ARHGAP26: variants seen among roughly 807,000 people sequenced by gnomAD.
ARHGAP26 encodes rho GTPase-activating protein 26.
Under a neutral mutation model 104.8 loss-of-function variants are expected in ARHGAP26, and 38 were observed. That is an observed-to-expected ratio of 0.36 (90% CI 0.28 to 0.48). The LOEUF is 0.48. ARHGAP26 is among the 20% of genes least tolerant of loss of function. ARHGAP26 has a pLI of 0.99. For missense variants in ARHGAP26, 704 were observed against 947.9 expected, an observed-to-expected ratio of 0.74 and a Z score of 3.38; for synonymous variants, 341 against 340.0, an observed-to-expected ratio of 1.00 and a Z score of -0.03.
Position 143,172,563 on chromosome 5 carries a change from A to G in ARHGAP26, c.1988+25182A>G, listed in dbSNP as rs1802930449. Among the ~76,000 whole-genome samples, 3 of 151,706 alleles carry G rather than the reference A, an allele frequency of 2.0e-5. No homozygotes were observed. In the South Asian group the frequency reaches 6.3e-4, roughly 32 times the overall value. On this transcript the variant is annotated intron_variant, in intron 20 of 22. Coordinates refer to ENST00000645722, the MANE Select transcript of ARHGAP26 (RefSeq NM_001135608.3). ...ATGATTTTGAATAGCTCAATAGATA[A>G]TATCTTCCAAAGCAGTTTCATGCAA...
At chr5:143,081,520 A>T (rs1056191298) in intron 17 of ARHGAP26, among the ~76,000 whole-genome samples, 2 of 152,212 alleles carry the variant, frequency 1.3e-5, no homozygotes, top group Admixed American at 1.3e-4. Flanking sequence ...AACAGACCTG[A>T]GTTCAAATTC....
At chr5:142,875,044 G>A in intron 2 of ARHGAP26, 66 bp from the exon 3 acceptor site, 1 of 1,355,132 alleles carries the variant, frequency 7.4e-7, no homozygotes, top group African/African-American at 1.5e-5. Flanking sequence ...ATAATAGCCA[G>A]AGCTGGAAAG....
At chr5:142,940,398 G>T (rs1394933538) in intron 11 of ARHGAP26, among the ~76,000 whole-genome samples, 2 of 152,012 alleles carry the variant, frequency 1.3e-5, no homozygotes, top group Non-Finnish European at 2.9e-5. Flanking sequence ...GGGTTTTGTT[G>T]TACAGATTAT....
At chr5:142,914,780 T>C (rs949056358) in intron 10 of ARHGAP26, among the ~76,000 whole-genome samples, 11 of 152,162 alleles carry the variant, frequency 7.2e-5, no homozygotes, top group Admixed American at 7.2e-4. Context: ...TTATTACTGG[T>C]TTTAAACAAA....
At chr5:142,798,095 A>G (rs1761349741) in intron 1 of ARHGAP26, among the ~76,000 whole-genome samples, 1 of 152,174 alleles carries the variant, frequency 6.6e-6, no homozygotes. Context: ...GGCTACCACT[A>G]TAGCCAGGGT....
chr5:142,841,683 A>G (rs1342320540), intron 1 of ARHGAP26, among the ~76,000 whole-genome samples: 1 of 152,232 alleles, frequency 6.6e-6, no homozygotes, highest in East Asian at 1.9e-4. Flanking sequence ...GCCTGACTTC[A>G]TCTTGGCTCC....
At chr5:142,996,867 G>C (rs1360336284) in intron 11 of ARHGAP26, among the ~76,000 whole-genome samples, 1 of 152,166 alleles carries the variant, frequency 6.6e-6, no homozygotes, top group Non-Finnish European at 1.5e-5. Context: ...TAGAAAGAGA[G>C]AGAGAGAGAT....
At chr5:142,912,812 G>C (rs1325552427) in intron 9 of ARHGAP26, among the ~76,000 whole-genome samples, 1 of 152,216 alleles carries the variant, frequency 6.6e-6, no homozygotes, top group Non-Finnish European at 1.5e-5. Flanking sequence ...TATTTGTTCT[G>C]ATCCAGGAAG....
Position 142,879,430 on chromosome 5 carries a change from G to A in ARHGAP26, c.369G>A (p.Gln123=), listed in dbSNP as rs756459324. 13 of 1,613,112 alleles carry A rather than the reference G, an allele frequency of 8.1e-6. No homozygotes were observed. The highest frequency in any genetic ancestry group is 1.6e-4 in the Middle Eastern group (1 of 6,080). Reference sequence around the variant, plus strand: ...CCTTGGAGAAGTTTCGAAAGGAACAGATCGGGGCTGCCAAGGTGAGAATTT... The same window carrying A: ...CCTTGGAGAAGTTTCGAAAGGAACAAATCGGGGCTGCCAAGGTGAGAATTT... ...ITPLEKFRKE[Q]IGAAKEAKKK... The change falls in exon 4 of 23, where the codon CAG becomes CAA. Residue 123 remains glutamine (Q), a synonymous_variant. Coordinates refer to ENST00000645722, the MANE Select transcript of ARHGAP26 (RefSeq NM_001135608.3).
intron 18 of ARHGAP26, among the ~76,000 whole-genome samples, chr5:143,127,574 A>AC (rs1240290313): frequency 6.6e-6 from 1 of 151,986 alleles, no homozygotes; most frequent in African/African-American, 2.4e-5. Context: ...ATCATGGATG[A>AC]CCCCCACTTA....
chr5:142,883,840 G>A (rs1033783852), intron 4 of ARHGAP26, among the ~76,000 whole-genome samples: 5 of 152,162 alleles, frequency 3.3e-5, no homozygotes, highest in African/African-American at 1.2e-4. Context: ...CTGATTATTT[G>A]TTTACTGGTT....
chr5:143,119,422 G>A (rs1344005528), intron 17 of ARHGAP26, among the ~76,000 whole-genome samples: 3 of 152,140 alleles, frequency 2.0e-5, no homozygotes, highest in Non-Finnish European at 4.4e-5. Flanking sequence ...AAGTAGTGAT[G>A]TTAAAAGCAG....
At chr5:142,913,890 C>T (rs997685863) in intron 10 of ARHGAP26, among the ~76,000 whole-genome samples, 2 of 152,096 alleles carry the variant, frequency 1.3e-5, no homozygotes, top group African/African-American at 4.8e-5. Flanking sequence ...TGTACCATTT[C>T]GTGGTGTTAA....
chr5:143,211,741 T>A (rs958444076), intron 21 of ARHGAP26, among the ~76,000 whole-genome samples: 4 of 151,960 alleles, frequency 2.6e-5, no homozygotes, highest in Non-Finnish European at 4.4e-5. Context: ...TAATTTTTTT[T>A]ATTTTTTTGT....
At chr5:142,797,981 T>C (rs1404356038) in intron 1 of ARHGAP26, among the ~76,000 whole-genome samples, 1 of 152,210 alleles carries the variant, frequency 6.6e-6, no homozygotes, top group Non-Finnish European at 1.5e-5. Context: ...TGACCCTTCT[T>C]CTTTTCCGCT....
At chr5:143,033,226 A>G (rs1782147471) in intron 12 of ARHGAP26, among the ~76,000 whole-genome samples, 1 of 152,214 alleles carries the variant, frequency 6.6e-6, no homozygotes, top group Admixed American at 6.5e-5. Flanking sequence ...ACATCTGTGT[A>G]AGACTTAATT....
At chr5:143,153,224 A>C (rs561081402) in intron 20 of ARHGAP26, among the ~76,000 whole-genome samples, 1 of 152,332 alleles carries the variant, frequency 6.6e-6, no homozygotes, top group South Asian at 2.1e-4. Flanking sequence ...TGAGGCAAAC[A>C]AGAAAGGTGG....
chr5:143,087,539 C>T (rs936102314), intron 17 of ARHGAP26, among the ~76,000 whole-genome samples: 1 of 148,566 alleles, frequency 6.7e-6, no homozygotes, highest in Non-Finnish European at 1.5e-5. Context: ...TAGTAGCCTT[C>T]GAGTTCTTCA....
intron 11 of ARHGAP26, among the ~76,000 whole-genome samples, chr5:142,970,370 T>C (rs1307062761): frequency 6.6e-6 from 1 of 152,232 alleles, no homozygotes; most frequent in East Asian, 1.9e-4. Context: ...AGAGAATTTT[T>C]TGGTTCATGT....
Sources: allele counts gnomAD v4.1 joint callset (sites outside exome capture counted in the v4.1 genomes callset), GRCh38; gene constraint gnomAD v4.1.1; transcripts MANE v1.5; gene names NCBI Gene and HGNC (gene_info 2026-07-23, HGNC 2026-07-21).